The following PDE3A variants were observed in gnomAD, a reference collection of about 807,000 sequenced individuals.
The protein encoded by PDE3A is cGMP-inhibited 3',5'-cyclic phosphodiesterase 3A.
Under a neutral mutation model 98.3 loss-of-function variants are expected in PDE3A, and 43 were observed. The observed-to-expected ratio is 0.44, with a 90% CI of 0.34 to 0.56. The LOEUF is 0.56. Ranked by LOEUF, PDE3A falls within the 20% of genes least tolerant of loss-of-function variation. The probability of loss-of-function intolerance (pLI) is 0.01; values close to 1 mark genes in which losing one functional copy is unlikely to be tolerated. For synonymous variants in PDE3A, 663 were observed against 567.9 expected, an observed-to-expected ratio of 1.17 and a Z score of -2.38; for missense variants, 1,427 against 1,440.7, an observed-to-expected ratio of 0.99 and a Z score of 0.15.
rs975871674 is a variant in PDE3A, at chr12:20,485,801, T to C, written c.961-70859T>C. ...ACTATCTTTAATGCATTTGTGCTCT[T>C]TTTTAATATGGCAGGCTATGGAGTA... On this transcript the variant is annotated intron_variant, in intron 1 of 15. Transcript: ENST00000359062. Among the ~76,000 whole-genome samples the C allele has an allele frequency of 1.6e-4, 24 of 152,212 alleles. 1 individual carries two copies. Among genetic ancestry groups the C allele is most frequent in the Non-Finnish European group, 1.2e-4 (8 of 68,040 alleles).
intron 1 of PDE3A, among the ~76,000 whole-genome samples, chr12:20,478,804 A>C (rs1044893320): frequency 8.5e-5 from 13 of 152,200 alleles, no homozygotes; most frequent in African/African-American, 2.9e-4. Context: ...ATTAATTCTA[A>C]TGTAAAATAG....
At chr12:20,475,445 G>C (rs962255176) in intron 1 of PDE3A, among the ~76,000 whole-genome samples, 1 of 152,042 alleles carries the variant, frequency 6.6e-6, no homozygotes, top group Non-Finnish European at 1.5e-5. Flanking sequence ...GAATCTTGGG[G>C]GTGGGCATGG....
chr12:20,397,399 G>A (rs186446478), intron 1 of PDE3A, among the ~76,000 whole-genome samples: 131 of 151,958 alleles, frequency 8.6e-4, no homozygotes, highest in South Asian at 3.1e-3. Context: ...CTCAATAAAC[G>A]TTTTGAGCCC....
At chr12:20,545,786 A>C (rs73075187) in intron 1 of PDE3A, among the ~76,000 whole-genome samples, 46,284 of 149,344 alleles carry the variant, frequency 0.31, 7,893 homozygotes, top group East Asian at 0.54. Flanking sequence ...CCAAAAAAAA[A>C]AAAACAAAAC....
intron 1 of PDE3A, among the ~76,000 whole-genome samples, chr12:20,467,860 G>C (rs1474579466): frequency 7.3e-6 from 1 of 137,268 alleles, no homozygotes; most frequent in Non-Finnish European, 1.5e-5. Context: ...ACTTGAACCC[G>C]GGAGGCGGAG....
chr12:20,437,756 T>G (rs1302992082), intron 1 of PDE3A, among the ~76,000 whole-genome samples: 4 of 152,106 alleles, frequency 2.6e-5, no homozygotes, highest in African/African-American at 2.4e-5. Flanking sequence ...GGATGACAAT[T>G]CAACGTGAGA....
chr12:20,532,389 CTTAT>C (rs1269849445), intron 1 of PDE3A, among the ~76,000 whole-genome samples: 1 of 151,770 alleles, frequency 6.6e-6, no homozygotes, highest in Non-Finnish European at 1.5e-5. Flanking sequence ...TTTATGTTAA[CTTAT>C]TTATGTAATG....
intron 2 of PDE3A, 138 bp downstream of exon 2, chr12:20,556,848 A>G: frequency 1.4e-6 from 1 of 700,810 alleles, no homozygotes; most frequent in Admixed American, 2.6e-5. Context: ...TATTTAAGTT[A>G]ACTATAATTA....
chr12:20,401,125 C>T (rs1565537584), intron 1 of PDE3A, among the ~76,000 whole-genome samples: 1 of 152,080 alleles, frequency 6.6e-6, no homozygotes, highest in African/African-American at 2.4e-5. Context: ...TATACCCAGT[C>T]CTTCTTTCCG....
intron 1 of PDE3A, among the ~76,000 whole-genome samples, chr12:20,417,303 T>A (rs1166207259): frequency 6.6e-6 from 1 of 152,206 alleles, no homozygotes; most frequent in Non-Finnish European, 1.5e-5. Context: ...TATATTAGAA[T>A]GATATAATTT....
rs1403467118 is a variant in PDE3A, at chr12:20,557,085, T to C, written c.1011+375T>C. The C allele has an allele frequency of 4.0e-5, 9 of 226,682 alleles. No individual in the cohort carries two copies. In the Admixed American group the frequency reaches 5.2e-4, roughly 13 times the overall value. 14.0% of individuals were successfully genotyped at this position (226,682 alleles called of 1,614,324 possible). On this transcript the variant is annotated intron_variant, in intron 2 of 15. Coordinates refer to ENST00000359062, the MANE Select transcript of PDE3A (RefSeq NM_000921.5). Reference sequence around the variant, plus strand: ...CTGTTTTTGGTTAAATATTTTGAAATATAATCAGACTAAACTCTGAACTAA... The same window carrying C: ...CTGTTTTTGGTTAAATATTTTGAAACATAATCAGACTAAACTCTGAACTAA...
intron 15 of PDE3A, among the ~76,000 whole-genome samples, chr12:20,674,531 T>C (rs546550867): frequency 2.0e-5 from 3 of 152,326 alleles, no homozygotes; most frequent in Non-Finnish European, 4.4e-5. Flanking sequence ...TTTTTCTGCA[T>C]ATATTGAGAG....
At chr12:20,623,039 C>G (rs537916970) in intron 5 of PDE3A, among the ~76,000 whole-genome samples, 23 of 151,964 alleles carry the variant, frequency 1.5e-4, no homozygotes, top group African/African-American at 5.5e-4. Context: ...AAAATAATAG[C>G]AATGAGAAAA....
intron 1 of PDE3A, among the ~76,000 whole-genome samples, chr12:20,544,286 A>G (rs906200159): frequency 6.6e-5 from 10 of 151,574 alleles, no homozygotes; most frequent in African/African-American, 2.4e-4. Context: ...AAAAATTTGT[A>G]TTGAGATGTG....
intron 1 of PDE3A, among the ~76,000 whole-genome samples, chr12:20,441,631 T>C (rs1944872486): frequency 6.6e-6 from 1 of 152,214 alleles, no homozygotes; most frequent in African/African-American, 2.4e-5. Context: ...GACTGGGGTC[T>C]TGACCACTAA....
intron 14 of PDE3A, 83 bp downstream of exon 14, chr12:20,650,683 G>A (rs940311765): frequency 1.1e-5 from 8 of 752,462 alleles, no homozygotes; most frequent in Admixed American, 5.0e-5. Flanking sequence ...AGCTATGAAA[G>A]TATGATCACT....
chr12:20,411,391 G>C (rs1944329817), intron 1 of PDE3A, among the ~76,000 whole-genome samples: 1 of 152,106 alleles, frequency 6.6e-6, no homozygotes, highest in South Asian at 2.1e-4. Context: ...AAGTAAAATA[G>C]GACAGTATGT....
rs137913782 is a variant in PDE3A, at chr12:20,618,337, C to G, written c.1424+1953C>G. 7.9e-3 allele frequency among the ~76,000 whole-genome samples: 1,156 copies of G among 146,018 alleles called. 11 individuals carry two copies. Among genetic ancestry groups the G allele is most frequent in the Middle Eastern group, 0.045 (13 of 290 alleles). ...GAGTTTTAGCCCTGAAATTGCTTCC[C>G]TTTTAGCCCTTTTATTTATTTATTC... On this transcript the variant is annotated intron_variant, in intron 4 of 15. Coordinates refer to ENST00000359062, the MANE Select transcript of PDE3A (RefSeq NM_000921.5).
chr12:20,487,446 T>C (rs1213861461), intron 1 of PDE3A, among the ~76,000 whole-genome samples: 1 of 140,316 alleles, frequency 7.1e-6, no homozygotes, highest in Non-Finnish European at 1.5e-5. Context: ...GGCAGATCAC[T>C]TGAGGTCAAG....
Sources: allele counts gnomAD v4.1 joint callset (sites outside exome capture counted in the v4.1 genomes callset), GRCh38; gene constraint gnomAD v4.1.1; transcripts MANE v1.5; gene names NCBI Gene and HGNC (gene_info 2026-07-23, HGNC 2026-07-21).